The following ICE2 variants were observed in gnomAD, a reference collection of about 807,000 sequenced individuals.
ICE2 encodes interactor of little elongation complex ELL subunit 2.
In ICE2, 87 loss-of-function variants were observed where a neutral mutation model predicts 105.4. The observed-to-expected ratio is 0.83, with a 90% CI of 0.69 to 0.99. The LOEUF (loss-of-function observed/expected upper bound fraction) is 0.99, where lower values mean the gene tolerates loss of function less well. ICE2 is among the 50% of genes least tolerant of loss of function. The pLI, the probability that ICE2 is intolerant of heterozygous loss-of-function variation, is 0.00. For missense variants in ICE2, 1,323 were observed against 1,146.7 expected, an observed-to-expected ratio of 1.15 and a Z score of -2.22; for synonymous variants, 399 against 392.0, an observed-to-expected ratio of 1.02 and a Z score of -0.21.
chr15:60,430,947 T>A (rs1289004251), intron 14 of ICE2, among the ~76,000 whole-genome samples: 1 of 152,058 alleles, frequency 6.6e-6, no homozygotes, highest in African/African-American at 2.4e-5. Flanking sequence ...CATCTCAGCT[T>A]TGCAATCTCT....
rs1184171432 is a variant in ICE2, at chr15:60,421,266, A to T, written c.*2368T>A. On this transcript the variant is annotated 3_prime_UTR_variant, in exon 16 of 16. Coordinates refer to ENST00000261520, the MANE Select transcript of ICE2 (RefSeq NM_024611.6). ...GGTCTTGATCTCTCACCCAGGATGG[A>T]GTGCAGTGGCACCATCATAGCTCAC... The T allele has an allele frequency of 6.6e-6, 1 of 151,810 alleles. No individual in the cohort carries two copies. The highest frequency in any genetic ancestry group is 1.5e-5 in the Non-Finnish European group (1 of 67,992). 9.4% of individuals were successfully genotyped at this position (151,810 alleles called of 1,614,324 possible).
At chr15:60,478,523 G>C in intron 1 of ICE2, 1 of 192,030 alleles carries the variant, frequency 5.2e-6, no homozygotes, top group Non-Finnish European at 1.1e-5. Context: ...TCACATTTGA[G>C]AAGACTTGAG....
chr15:60,470,790 AAAAT>A (rs1250356983), intron 3 of ICE2, among the ~76,000 whole-genome samples: 3 of 152,168 alleles, frequency 2.0e-5, no homozygotes, highest in African/African-American at 7.2e-5. Context: ...TAAATATTAA[AAAAT>A]AAATTATTTC....
At chr15:60,443,413 T>C (rs937208281) in intron 11 of ICE2, among the ~76,000 whole-genome samples, 48 of 152,348 alleles carry the variant, frequency 3.2e-4, no homozygotes, top group African/African-American at 1.1e-3. Context: ...TATTTCTTAA[T>C]TCTTGATTTT....
At chr15:60,460,265 G>A (rs1478935091) in intron 5 of ICE2, among the ~76,000 whole-genome samples, 3 of 152,224 alleles carry the variant, frequency 2.0e-5, no homozygotes, top group Non-Finnish European at 2.9e-5. Context: ...AGGCCAAGGA[G>A]GCAGGTGGAT....
In ICE2 at chr15:60,476,147, C is replaced by A. The variant is rs527322926; in HGVS notation, c.62G>T (p.Gly21Val). The A allele has an allele frequency of 1.9e-6, 3 of 1,600,246 alleles. No homozygotes were observed. Among genetic ancestry groups the A allele is most frequent in the South Asian group, 2.3e-5 (2 of 88,562 alleles). The stretch of plus-strand genomic sequence containing the variant: ...TTCTCGAGAGAAAAATGTCTTAAGG[C>A]CATTTTTGGGGGAAATATCCCTGTG... ...GLNWDISPKNGLKTFFSRENY... is the reference protein window; with the variant it reads ...GLNWDISPKNVLKTFFSRENY... Residue 21 changes from glycine to valine, a missense_variant, in exon 3 of 16, where the codon GGC (glycine) becomes GTC (valine). Physicochemically the swap from Gly to Val is moderately radical, Grantham distance 109. Transcript: ENST00000261520.
chr15:60,434,249 A>C (rs889203354), intron 13 of ICE2, among the ~76,000 whole-genome samples: 1 of 152,130 alleles, frequency 6.6e-6, no homozygotes, highest in Non-Finnish European at 1.5e-5. Context: ...GAGTACGATA[A>C]ATTCATTTCA....
At chr15:60,457,467 A>C (rs1386081975) in intron 5 of ICE2, among the ~76,000 whole-genome samples, 1 of 152,156 alleles carries the variant, frequency 6.6e-6, no homozygotes, top group South Asian at 2.1e-4. Flanking sequence ...TCTAAGATAC[A>C]TATTTTTTCT....
At chr15:60,451,534 C>T (rs2063966368) in intron 9 of ICE2, 1 of 983,560 alleles carries the variant, frequency 1.0e-6, no homozygotes, top group Non-Finnish European at 1.2e-6. Context: ...CACTTAGCAA[C>T]ATAAATTAGA....
At chr15:60,432,936 G>C (rs1438337790) in intron 13 of ICE2, among the ~76,000 whole-genome samples, 1 of 152,112 alleles carries the variant, frequency 6.6e-6, no homozygotes, top group African/African-American at 2.4e-5. Context: ...AAAATGCTAA[G>C]AGGTCTTTAG....
chr15:60,453,615 T>C lies in ICE2; in HGVS notation c.1113A>G (p.Ile371Met), dbSNP rs768428575. ...AAGCATTACATACGTCCATTTCAGA[T>C]ATAAACTCTTCAGGTTTGTCCATAA... ...AVFMDKPEEF[I>M]SEMDMSCEVN... The change falls in exon 9 of 16, where the codon ATA becomes ATG. Residue 371 changes from isoleucine (I) to methionine (M), a missense_variant. By Grantham distance (10) the Ile-to-Met change is conservative. Transcript: ENST00000261520. 2.5e-6 allele frequency: 4 copies of C among 1,613,360 alleles called. No individual in the cohort carries two copies. The highest frequency in any genetic ancestry group is 3.4e-6 in the Non-Finnish European group (4 of 1,179,456).
chr15:60,452,993 G>A (rs1595784570), intron 9 of ICE2: 1 of 967,436 alleles, frequency 1.0e-6, no homozygotes, highest in Non-Finnish European at 1.2e-6. Flanking sequence ...CACTTTGGGT[G>A]GCTGAGATGG....
chr15:60,478,874 C>T, intron 1 of ICE2, 129 bp downstream of exon 1: 1 of 437,474 alleles, frequency 2.3e-6, no homozygotes, highest in Non-Finnish European at 4.7e-6. Context: ...AGGAGCCGCG[C>T]AGAGCCAGGA....
chr15:60,479,080 G>A lies in ICE2; in HGVS notation c.-170C>T, dbSNP rs188100837. 176 of 449,980 alleles carry A rather than the reference G, an allele frequency of 3.9e-4. 2 individuals are homozygous for A. The highest frequency in any genetic ancestry group is 3.4e-3 in the African/African-American group (168 of 49,910). The allele number at this position is 449,980 out of a possible 1,614,324, so 27.9% of individuals were successfully genotyped here. ...TCCACCCCACTCCTCACATTGTCGC[G>A]CGCGCCCAAAAAAGACCATATTTAA... On this transcript the variant is annotated 5_prime_UTR_variant, in exon 1 of 16. Coordinates refer to ENST00000261520, the MANE Select transcript of ICE2 (RefSeq NM_024611.6).
At chr15:60,475,643 T>C (rs969883852) in intron 3 of ICE2, among the ~76,000 whole-genome samples, 3 of 152,146 alleles carry the variant, frequency 2.0e-5, no homozygotes, top group African/African-American at 7.2e-5. Context: ...AACAGTTTTA[T>C]AGTATATTTT....
chr15:60,449,684 A>G lies in ICE2; in HGVS notation c.1283T>C (p.Met428Thr), dbSNP rs777309528. 6.2e-7 allele frequency: 1 copy of G among 1,614,068 alleles called. No individual in the cohort carries two copies. Among genetic ancestry groups the G allele is most frequent in the South Asian group, 1.1e-5 (1 of 91,080 alleles). Reference protein sequence around the residue: ...SPASTSTVPNMTDAPTAPKAG... With the variant: ...SPASTSTVPNTTDAPTAPKAG... The stretch of plus-strand genomic sequence containing the variant: ...TTTGGGGGCTGTAGGAGCATCTGTC[A>G]TGTTAGGTACTGTGGAAGTACTTGC... Residue 428 changes from methionine (M) to threonine (T), a missense_variant, in exon 10 of 16, where the codon ATG becomes ACG. By Grantham distance (81) the Met-to-Thr change is moderately conservative. Transcript: ENST00000261520.
chr15:60,446,953 AC>A (rs1435598295), intron 11 of ICE2, among the ~76,000 whole-genome samples: 4 of 152,228 alleles, frequency 2.6e-5, no homozygotes, highest in African/African-American at 9.6e-5. Context: ...CTTTAATATT[AC>A]ATACTCAATT....
At chr15:60,458,844 A>C (rs2064197630) in intron 5 of ICE2, among the ~76,000 whole-genome samples, 1 of 152,168 alleles carries the variant, frequency 6.6e-6, no homozygotes, top group Admixed American at 6.5e-5. Flanking sequence ...TGCTAAGTGA[A>C]ATAAGCCAGT....
intron 5 of ICE2, among the ~76,000 whole-genome samples, chr15:60,464,411 AAATGTGGT>A (rs1186041519): frequency 5.3e-5 from 8 of 152,156 alleles, no homozygotes; most frequent in Non-Finnish European, 1.2e-4. Flanking sequence ...AGCAAAAATA[AAATGTGGT>A]AAAGGGAAAA....
Sources: allele counts gnomAD v4.1 joint callset (sites outside exome capture counted in the v4.1 genomes callset), GRCh38; gene constraint gnomAD v4.1.1; transcripts MANE v1.5; gene names NCBI Gene and HGNC (gene_info 2026-07-23, HGNC 2026-07-21).